Variants in C2orf42 observed in about 807,000 individuals in gnomAD.
The protein encoded by C2orf42 is uncharacterized protein C2orf42.
Under a neutral mutation model 58.9 loss-of-function variants are expected in C2orf42, and 44 were observed. The ratio of observed to expected loss-of-function variants is 0.75; its 90% CI spans 0.59 to 0.96. The LOEUF (loss-of-function observed/expected upper bound fraction) is 0.96, where lower values mean the gene tolerates loss of function less well. Ranked by LOEUF, C2orf42 falls within the 40% of genes least tolerant of loss-of-function variation. The pLI is 0.00. For synonymous variants in C2orf42, 239 were observed against 265.4 expected, an observed-to-expected ratio of 0.90 and a Z score of 0.97; for missense variants, 630 against 699.2, an observed-to-expected ratio of 0.90 and a Z score of 1.12.
intron 5 of C2orf42, among the ~76,000 whole-genome samples, chr2:70,174,238 C>T (rs759407551): frequency 3.3e-5 from 5 of 151,926 alleles, no homozygotes; most frequent in South Asian, 2.1e-4. Flanking sequence ...AACCCAGAGG[C>T]GGAGGTTGCA....
chr2:70,160,938 G>C (rs1673019294), intron 8 of C2orf42, 151 bp from the exon 9 acceptor site: 2 of 587,988 alleles, frequency 3.4e-6, no homozygotes, highest in Non-Finnish European at 5.8e-6. Flanking sequence ...AGAAAATCCT[G>C]TCAACAAATC....
chr2:70,181,543 G>C lies in C2orf42; in HGVS notation c.443C>G (p.Pro148Arg). The C allele has an allele frequency of 6.2e-7, 1 of 1,613,800 alleles. No individual in the cohort carries two copies. The highest frequency in any genetic ancestry group is 1.1e-5 in the South Asian group (1 of 91,088). ...CAGGACCGAGCTCTTCAGGGTCAGA[G>C]GGGTGGCCTCTGCCTGGCAGTTCAC... ...LAVNCQAEAT[P>R]LTLKSSVLNA... The change falls in exon 3 of 10, where the codon CCT (proline) becomes CGT (arginine). Residue 148 changes from proline to arginine, a missense_variant. Pro to Arg is a moderately radical substitution (Grantham distance 103, BLOSUM62 -2). Transcript: ENST00000264434.
At chr2:70,190,726 A>C (rs1432579369) in intron 1 of C2orf42, 1 of 152,190 alleles carries the variant, frequency 6.6e-6, no homozygotes, top group African/African-American at 2.4e-5. Flanking sequence ...CTGCAGCGAC[A>C]CACACATATC....
At chr2:70,157,428 C>T (rs375191686) in intron 9 of C2orf42, among the ~76,000 whole-genome samples, 1 of 151,986 alleles carries the variant, frequency 6.6e-6, no homozygotes, top group African/African-American at 2.4e-5. Flanking sequence ...GCACTCCAGC[C>T]TGGGCGACAG....
intron 9 of C2orf42, among the ~76,000 whole-genome samples, chr2:70,154,939 A>G (rs1672564392): frequency 6.6e-6 from 1 of 151,772 alleles, no homozygotes; most frequent in South Asian, 2.1e-4. Flanking sequence ...TTTTTTTGAA[A>G]GTAAGTTTAT....
intron 8 of C2orf42, among the ~76,000 whole-genome samples, chr2:70,162,500 G>T (rs1014277277): frequency 5.9e-5 from 9 of 151,668 alleles, no homozygotes; most frequent in African/African-American, 2.2e-4. Context: ...ATACAAATTA[G>T]CTGGGCAGGA....
intron 1 of C2orf42, among the ~76,000 whole-genome samples, chr2:70,183,172 T>C (rs1354478421): frequency 6.6e-6 from 1 of 152,108 alleles, no homozygotes; most frequent in Non-Finnish European, 1.5e-5. Context: ...GCATGGTGGC[T>C]CACTCCTGTA....
chr2:70,150,275 A>G lies in C2orf42; in HGVS notation c.*81T>C. 1 of 1,195,026 alleles carries G rather than the reference A, an allele frequency of 8.4e-7. No individual in the cohort carries two copies. The highest frequency in any genetic ancestry group is 1.2e-6 in the Non-Finnish European group (1 of 813,900). 74.0% of individuals were successfully genotyped at this position (1,195,026 alleles called of 1,614,324 possible). Reference sequence around the variant, plus strand: ...AGTTTACCAAGGAACAGGGCCATCTAAGTGCCTAACTAGCATTTAAAGTTG... The same window carrying G: ...AGTTTACCAAGGAACAGGGCCATCTGAGTGCCTAACTAGCATTTAAAGTTG... On this transcript the variant is annotated 3_prime_UTR_variant, in exon 10 of 10. Transcript: ENST00000264434.
chr2:70,180,992 C>A (rs1338729969), intron 3 of C2orf42, among the ~76,000 whole-genome samples, 171 bp downstream of exon 3: 6 of 89,826 alleles, frequency 6.7e-5, no homozygotes, highest in Non-Finnish European at 1.2e-4. Context: ...CAAAGTGAGA[C>A]CTTGTCTCAA....
intron 9 of C2orf42, among the ~76,000 whole-genome samples, chr2:70,153,778 G>A (rs1226620365): frequency 2.6e-5 from 4 of 151,508 alleles, no homozygotes; most frequent in Non-Finnish European, 5.9e-5. Context: ...AAATTTAAAC[G>A]GCCGGGCGCG....
intron 9 of C2orf42, among the ~76,000 whole-genome samples, chr2:70,159,175 C>A (rs1672896339): frequency 6.6e-6 from 1 of 152,020 alleles, no homozygotes; most frequent in African/African-American, 2.4e-5. Context: ...CGTGAGCCAC[C>A]GTGCCCGGCC....
At chr2:70,179,949 C>T (rs901122692) in intron 3 of C2orf42, among the ~76,000 whole-genome samples, 1 of 151,464 alleles carries the variant, frequency 6.6e-6, no homozygotes, top group Non-Finnish European at 1.5e-5. Context: ...AAAAAACAAA[C>T]CAAAAACAAA....
At chr2:70,159,847 T>C (rs564687036) in intron 9 of C2orf42, among the ~76,000 whole-genome samples, 1 of 152,210 alleles carries the variant, frequency 6.6e-6, no homozygotes, top group South Asian at 2.1e-4. Context: ...TCATTTACTA[T>C]TATCACTACT....
chr2:70,168,584 G>A (rs1014789758), intron 6 of C2orf42, among the ~76,000 whole-genome samples: 3 of 151,240 alleles, frequency 2.0e-5, no homozygotes, highest in East Asian at 2.0e-4. Context: ...CACCGCACCC[G>A]GCTGCTAATA....
chr2:70,150,198 C>G lies in C2orf42; in HGVS notation c.*158G>C. ...AAAAAGGCTATTTACAAGAGATTTT[C>G]TTCAACAGAATCCACTTGAAAGCAC... On this transcript the variant is annotated 3_prime_UTR_variant, in exon 10 of 10. Transcript: ENST00000264434. 2 of 636,296 alleles carry G rather than the reference C, an allele frequency of 3.1e-6. No homozygotes were observed. Among genetic ancestry groups the G allele is most frequent in the South Asian group, 3.8e-5 (2 of 53,038 alleles). The allele number at this position is 636,296 out of a possible 1,614,324, so 39.4% of individuals were successfully genotyped here.
chr2:70,173,523 C>T (rs1268197162), intron 5 of C2orf42, among the ~76,000 whole-genome samples: 2 of 152,118 alleles, frequency 1.3e-5, no homozygotes, highest in Non-Finnish European at 2.9e-5. Context: ...GTGATCCATC[C>T]GCCTGCCTCA....
intron 5 of C2orf42, among the ~76,000 whole-genome samples, chr2:70,170,854 G>A (rs1027752727): frequency 2.0e-5 from 3 of 151,980 alleles, no homozygotes; most frequent in African/African-American, 7.2e-5. Flanking sequence ...GGTGGCTCAC[G>A]CCTGTAATCC....
rs777203125 is a variant in C2orf42, at chr2:70,181,650, A to G, written c.336T>C (p.Ser112=). The change falls in exon 3 of 10, where the codon TCT becomes TCC. Residue 112 remains serine, a synonymous_variant. Transcript: ENST00000264434. ...GGCATGAGGGGACATAACACCGTCC[A>G]GAGCTCAGCTGAGTGATGATCGTCC... is the stretch of plus-strand genomic sequence containing the variant. ...VDGTIITQLS[S]GRCYVPSCLK... 2 of 1,614,140 alleles carry G rather than the reference A, an allele frequency of 1.2e-6. No individual in the cohort carries two copies. Among genetic ancestry groups the G allele is most frequent in the East Asian group, 2.2e-5 (1 of 44,886 alleles).
chr2:70,165,144 G>C lies in C2orf42; in HGVS notation c.1301C>G (p.Thr434Ser), dbSNP rs777205183. The stretch of plus-strand genomic sequence containing the variant: ...TTGCAGGATATTAGTGATATGCCAA[G>C]TATACTTGGAAAAGGTTCCCAGTGG... ...ALPLGTFSKYTWHITNILQVK... is the reference protein window; with the variant it reads ...ALPLGTFSKYSWHITNILQVK... The change falls in exon 8 of 10, where the codon ACT (threonine) becomes AGT (serine). Residue 434 changes from threonine to serine, a missense_variant. Transcript: ENST00000264434. The C allele has an allele frequency of 6.8e-6, 11 of 1,611,366 alleles. No homozygotes were observed. In the East Asian group the frequency reaches 2.2e-4, roughly 33 times the overall value.
Sources: gnomAD v4.1 joint callset for allele counts (sites outside exome capture counted in the v4.1 genomes callset) on GRCh38, gnomAD v4.1.1 for gene constraint, MANE v1.5 for transcripts, NCBI Gene and HGNC (gene_info 2026-07-23, HGNC 2026-07-21) for gene names.